The following ZNF627 variants were observed in gnomAD, a reference collection of about 807,000 sequenced individuals.
The protein encoded by ZNF627 is zinc finger protein 627.
In ZNF627, 12 loss-of-function variants were observed where a neutral mutation model predicts 10.6. That is an observed-to-expected ratio of 1.13 (90% CI 0.73 to 1.84). The LOEUF is 1.84. ZNF627 is among the 40% of genes most tolerant of loss of function. The pLI, the probability that ZNF627 is intolerant of heterozygous loss-of-function variation, is 0.00. For missense variants in ZNF627, 504 were observed against 568.4 expected (o/e 0.89, Z 1.15); for synonymous variants, 176 against 187.1 (o/e 0.94, Z 0.48).
At chr19:11,599,951 G>C (rs991318893) in intron 1 of ZNF627, among the ~76,000 whole-genome samples, 57 of 152,034 alleles carry the variant, frequency 3.7e-4, no homozygotes, top group African/African-American at 1.3e-3. Flanking sequence ...CTCTGTTCCA[G>C]GTTAGCGCAG....
chr19:11,614,925 G>T, intron 3 of ZNF627, 38 bp downstream of exon 3: 2 of 1,444,992 alleles, frequency 1.4e-6, no homozygotes, highest in Middle Eastern at 1.9e-4. Context: ...TGTTCCTTGA[G>T]AGCATTTCGT....
At chr19:11,604,688 C>T (rs1438410800) in intron 1 of ZNF627, among the ~76,000 whole-genome samples, 1 of 152,098 alleles carries the variant, frequency 6.6e-6, no homozygotes, top group Non-Finnish European at 1.5e-5. Flanking sequence ...CAGCCTTGTT[C>T]CCTGTTAAAG....
rs894450621 is a variant in ZNF627, at chr19:11,617,682, T to A, written c.1179T>A (p.Cys393Ter). 2 of 1,612,334 alleles carry A rather than the reference T, an allele frequency of 1.2e-6. No individual in the cohort carries two copies. The highest frequency in any genetic ancestry group is 2.7e-5 in the African/African-American group (2 of 74,742). ...ACACTGGAGAGAAACCCTATAAATG[T>A]ACAAAATGTGGGAAAGCCTTCAGTC... ...RIHTGEKPYKCTKCGKAFSRS... is the reference protein window; with the variant it reads ...RIHTGEKPYK The change falls in exon 4 of 4, where the codon TGT (cysteine) becomes TGA (stop). Residue 393 changes from cysteine to a stop codon, truncating the protein, a stop_gained. Transcript: ENST00000361113. LOFTEE classifies it low-confidence loss of function (END_TRUNC).
At chr19:11,615,181 C>T (rs1973845417) in intron 3 of ZNF627, among the ~76,000 whole-genome samples, 2 of 147,432 alleles carry the variant, frequency 1.4e-5, no homozygotes, top group African/African-American at 2.5e-5. Context: ...CTCTTGACCT[C>T]GTGATCTGCC....
Position 11,617,813 on chromosome 19 carries a change from A to T in ZNF627, c.1310A>T (p.His437Leu), listed in dbSNP as rs762727718. 1.9e-6 allele frequency: 3 copies of T among 1,608,806 alleles called. No individual in the cohort carries two copies. The highest frequency in any genetic ancestry group is 2.5e-6 in the Non-Finnish European group (3 of 1,178,420). Residue 437 changes from histidine (H) to leucine (L), a missense_variant, in exon 4 of 4, where the codon CAT becomes CTT. Transcript: ENST00000361113. ...AGTCGATCCACTTACTTTCGAGTAC[A>T]TGAAAAAATTCATACTGGAGAGAAA... is the stretch of plus-strand genomic sequence containing the variant. ...AFSRSTYFRV[H>L]EKIHTGEKPY... is the part of the protein sequence containing the mutation.
chr19:11,597,662 T>C, intron 1 of ZNF627, 32 bp downstream of exon 1: 3 of 1,337,604 alleles, frequency 2.2e-6, no homozygotes, highest in Non-Finnish European at 1.9e-6. Flanking sequence ...TCCCCAGACC[T>C]GGGGGAGGGG....
At chr19:11,606,473 C>T (rs575493649) in intron 1 of ZNF627, among the ~76,000 whole-genome samples, 311 of 152,340 alleles carry the variant, frequency 2.0e-3, no homozygotes, top group South Asian at 5.8e-3. Flanking sequence ...GCCCCCACTC[C>T]TGGCTGCTTT....
At chr19:11,611,387 G>A (rs1162427661) in intron 1 of ZNF627, among the ~76,000 whole-genome samples, 2 of 152,152 alleles carry the variant, frequency 1.3e-5, no homozygotes, top group Non-Finnish European at 2.9e-5. Context: ...GTGCAGTGAT[G>A]ATGTGATCCG....
chr19:11,608,594 C>T (rs1172347250), intron 1 of ZNF627, among the ~76,000 whole-genome samples: 2 of 152,056 alleles, frequency 1.3e-5, no homozygotes, highest in Non-Finnish European at 2.9e-5. Flanking sequence ...CCTAATGATT[C>T]GTGGTGTTGA....
At position 11,614,864 on chromosome 19, in the gene ZNF627, C is replaced by A; in HGVS notation, c.168C>A (p.Phe56Leu). 1 of 1,606,378 alleles carries A rather than the reference C, an allele frequency of 6.2e-7. No individual in the cohort carries two copies. Among genetic ancestry groups the A allele is most frequent in the South Asian group, 1.1e-5 (1 of 89,388 alleles). ...QWEDQNIEDPFKIPRRNISHI... is the reference protein window; with the variant it reads ...QWEDQNIEDPLKIPRRNISHI... ...AAGACCAGAACATTGAAGACCCATT[C>A]AAAATTCCCAGGAGAAATATAAGGT... The change falls in exon 3 of 4, where the codon TTC becomes TTA. Residue 56 changes from phenylalanine (F) to leucine (L), a missense_variant. Phe to Leu is a conservative substitution (Grantham distance 22, BLOSUM62 0). Coordinates refer to ENST00000361113, the MANE Select transcript of ZNF627 (RefSeq NM_145295.4).
intron 1 of ZNF627, among the ~76,000 whole-genome samples, chr19:11,606,461 C>T (rs1221736056): frequency 6.6e-6 from 1 of 152,198 alleles, no homozygotes; most frequent in African/African-American, 2.4e-5. Context: ...TTGCAAGGTA[C>T]AGCCCCCACT....
At chr19:11,606,308 G>A (rs1420779640) in intron 1 of ZNF627, among the ~76,000 whole-genome samples, 1 of 151,734 alleles carries the variant, frequency 6.6e-6, no homozygotes, top group African/African-American at 2.4e-5. Flanking sequence ...CTGCACTCCA[G>A]TCTGGGTGAT....
At chr19:11,607,021 T>C (rs1352990000) in intron 1 of ZNF627, among the ~76,000 whole-genome samples, 2 of 152,214 alleles carry the variant, frequency 1.3e-5, no homozygotes, top group Admixed American at 6.5e-5. Context: ...CATGAAGGTC[T>C]GTGATGTGTC....
intron 1 of ZNF627, among the ~76,000 whole-genome samples, chr19:11,605,757 C>A (rs1260281463): frequency 6.6e-6 from 1 of 152,088 alleles, no homozygotes; most frequent in Non-Finnish European, 1.5e-5. Context: ...CAGCCCCTCC[C>A]AAATCTCATA....
Position 11,598,991 on chromosome 19 carries a change from G to T in ZNF627, c.3+1361G>T, listed in dbSNP as rs146481460. 1.4e-3 allele frequency among the ~76,000 whole-genome samples: 207 copies of T among 152,284 alleles called. 1 individual carries two copies. Among genetic ancestry groups the T allele is most frequent in the African/African-American group, 4.4e-3 (182 of 41,544 alleles). ...GAGGCCAGGAGTTTGAGACCAGCCT[G>T]AGCAACATAGTGAGACCCGGACCCT... On this transcript the variant is annotated intron_variant, in intron 1 of 3. Transcript: ENST00000361113.
chr19:11,616,730 G>A lies in ZNF627; in HGVS notation c.227G>A (p.Gly76Asp). 6.2e-7 allele frequency: 1 copy of A among 1,603,850 alleles called. No homozygotes were observed. Among genetic ancestry groups the A allele is most frequent in the Non-Finnish European group, 8.5e-7 (1 of 1,174,442 alleles). Residue 76 changes from glycine to aspartate, a missense_variant, in exon 4 of 4, where the codon GGT becomes GAT. By Grantham distance (94) the Gly-to-Asp change is moderately conservative. Transcript: ENST00000361113. ...GAGAGACTCTGTGAAAGTAAAGAAG[G>A]TGGTCAAGGTGAAGAAACCTTCAGC... Reference protein sequence around the residue: ...IPERLCESKEGGQGEETFSQI... With the variant: ...IPERLCESKEDGQGEETFSQI...
intron 1 of ZNF627, among the ~76,000 whole-genome samples, chr19:11,614,172 G>A (rs570348541): frequency 7.3e-5 from 11 of 151,288 alleles, no homozygotes; most frequent in East Asian, 5.9e-4. Flanking sequence ...CACCCGCCTC[G>A]GCCTCCCAAA....
Position 11,619,053 on chromosome 19 carries a change from C to T in ZNF627, c.*1164C>T, listed in dbSNP as rs1973927121. The T allele has an allele frequency of 6.6e-6, 1 of 152,066 alleles. No homozygotes were observed. The highest frequency in any genetic ancestry group is 2.1e-4 in the South Asian group (1 of 4,828). 9.4% of individuals were successfully genotyped at this position (152,066 alleles called of 1,614,324 possible). A position where few individuals can be genotyped will look rare whatever the true frequency, so the allele number is the denominator to read the frequency against. Reference sequence around the variant, plus strand: ...AAGTTAAGTCATGCTGTTTTGTGTGCTCTCTTGCTAAAGACCGCAGAGACC... The same window carrying T: ...AAGTTAAGTCATGCTGTTTTGTGTGTTCTCTTGCTAAAGACCGCAGAGACC... On this transcript the variant is annotated 3_prime_UTR_variant, in exon 4 of 4. Transcript: ENST00000361113.
intron 1 of ZNF627, among the ~76,000 whole-genome samples, chr19:11,604,773 C>A (rs1396284567): frequency 6.6e-6 from 1 of 152,076 alleles, no homozygotes; most frequent in African/African-American, 2.4e-5. Flanking sequence ...GTCATGACAG[C>A]TGTAATAGGG....
Sources: allele counts gnomAD v4.1 joint callset (sites outside exome capture counted in the v4.1 genomes callset), GRCh38; gene constraint gnomAD v4.1.1; transcripts MANE v1.5; gene names NCBI Gene and HGNC (gene_info 2026-07-23, HGNC 2026-07-21).